The following PTPRG variants were observed in gnomAD, a reference collection of about 807,000 sequenced individuals.
The protein encoded by PTPRG is protein tyrosine phosphatase receptor type G, also known as receptor-type tyrosine-protein phosphatase gamma.
Under a neutral mutation model 165.3 loss-of-function variants are expected in PTPRG, and 102 were observed. The ratio of observed to expected loss-of-function variants is 0.62; its 90% CI spans 0.53 to 0.73. PTPRG has a LOEUF of 0.73. PTPRG is among the 30% of genes least tolerant of loss of function. PTPRG has a pLI of 0.00. For synonymous variants in PTPRG, 675 were observed against 669.5 expected, an observed-to-expected ratio of 1.01 and a Z score of -0.13; for missense variants, 1,866 against 1,861.4, an observed-to-expected ratio of 1.00 and a Z score of -0.05.
At chr3:61,827,118 C>G (rs1164918846) in intron 2 of PTPRG, among the ~76,000 whole-genome samples, 1 of 152,182 alleles carries the variant, frequency 6.6e-6, no homozygotes, top group African/African-American at 2.4e-5. Flanking sequence ...CTTCTATCCT[C>G]TATAGTCAGG....
chr3:61,701,488 A>G (rs1229372415), intron 1 of PTPRG, among the ~76,000 whole-genome samples: 3 of 152,198 alleles, frequency 2.0e-5, no homozygotes, highest in African/African-American at 4.8e-5. Context: ...AACTTTTTGC[A>G]TAAAGGCAGA....
intron 2 of PTPRG, among the ~76,000 whole-genome samples, chr3:61,904,350 CCT>C (rs1308965503): frequency 6.6e-6 from 1 of 152,084 alleles, no homozygotes; most frequent in African/African-American, 2.4e-5. Flanking sequence ...GTGCAAACAT[CCT>C]CTGTTTTCTG....
chr3:62,186,119 T>C (rs933585862), intron 8 of PTPRG, among the ~76,000 whole-genome samples: 2 of 152,222 alleles, frequency 1.3e-5, no homozygotes, highest in Non-Finnish European at 2.9e-5. Flanking sequence ...TGTCTGGTAC[T>C]ATCGTTGCCC....
chr3:61,599,945 G>C (rs1455333890), intron 1 of PTPRG, among the ~76,000 whole-genome samples: 1 of 151,916 alleles, frequency 6.6e-6, no homozygotes, highest in East Asian at 1.9e-4. Flanking sequence ...GATCACTTGA[G>C]GCCAGGAGTT....
chr3:62,258,025 T>G (rs1441520412), intron 16 of PTPRG, among the ~76,000 whole-genome samples: 1 of 151,786 alleles, frequency 6.6e-6, no homozygotes, highest in Admixed American at 6.6e-5. Context: ...GAAGGAGAAA[T>G]AAGGAAGCTT....
chr3:61,726,907 C>T (rs1220175600), intron 1 of PTPRG, among the ~76,000 whole-genome samples: 1 of 152,058 alleles, frequency 6.6e-6, no homozygotes, highest in African/African-American at 2.4e-5. Flanking sequence ...ATTAGCCAGC[C>T]ATGGTGGCGG....
At position 61,562,387 on chromosome 3, in the gene PTPRG, C is replaced by T. The variant is rs1217333264; in HGVS notation, c.85+15C>T. On this transcript the variant is annotated intron_variant, in intron 1 of 29. Coordinates refer to ENST00000474889, the MANE Select transcript of PTPRG (RefSeq NM_002841.4). ...GTGCTTCCCCGGTGAGTGCCGGCCG[C>T]CGAGGGGATGCGGCCCCGGCCGGCG... The T allele has an allele frequency of 6.2e-7, 1 of 1,612,574 alleles. No homozygotes were observed. Among genetic ancestry groups the T allele is most frequent in the Non-Finnish European group, 8.5e-7 (1 of 1,179,094 alleles).
intron 4 of PTPRG, among the ~76,000 whole-genome samples, chr3:62,059,259 C>G (rs1378101474): frequency 6.6e-6 from 1 of 152,158 alleles, no homozygotes; most frequent in Non-Finnish European, 1.5e-5. Context: ...GTGGAACTCA[C>G]AAAATTATAG....
At chr3:61,783,203 G>A (rs1239146990) in intron 2 of PTPRG, among the ~76,000 whole-genome samples, 2 of 152,134 alleles carry the variant, frequency 1.3e-5, no homozygotes, top group Non-Finnish European at 2.9e-5. Flanking sequence ...AGTTGGACAT[G>A]GTAGCATGTG....
Position 61,981,457 on chromosome 3 carries a change from G to A in PTPRG, c.191-8168G>A, listed in dbSNP as rs77619501. 4.6e-3 allele frequency among the ~76,000 whole-genome samples: 697 copies of A among 152,330 alleles called. 4 individuals carry two copies. The highest frequency in any genetic ancestry group is 0.015 in the African/African-American group (624 of 41,574). ...AATTGCCATATATTAGTCAAGTGCT[G>A]TTTCTGAAGCTGGGTCAGGGTCATG... On this transcript the variant is annotated intron_variant, in intron 2 of 29. Coordinates refer to ENST00000474889, the MANE Select transcript of PTPRG (RefSeq NM_002841.4).
chr3:62,056,599 G>T (rs1700643873), intron 4 of PTPRG, among the ~76,000 whole-genome samples: 1 of 152,108 alleles, frequency 6.6e-6, no homozygotes, highest in Non-Finnish European at 1.5e-5. Context: ...GTGCATTGTA[G>T]GATGTAAAAT....
intron 7 of PTPRG, among the ~76,000 whole-genome samples, chr3:62,161,493 T>C (rs571872897): frequency 1.5e-4 from 23 of 152,324 alleles, no homozygotes; most frequent in African/African-American, 5.5e-4. Context: ...GTAAGGTTTA[T>C]CTCAAGGCCA....
chr3:62,082,111 C>A (rs1701602684), intron 5 of PTPRG, among the ~76,000 whole-genome samples: 1 of 152,204 alleles, frequency 6.6e-6, no homozygotes. Flanking sequence ...GAGAATGACC[C>A]AAAAGCCCAG....
intron 2 of PTPRG, among the ~76,000 whole-genome samples, chr3:61,776,701 G>C (rs184536197): frequency 7.3e-4 from 111 of 151,878 alleles, no homozygotes; most frequent in Non-Finnish European, 1.3e-3. Context: ...ATTTTGCCAC[G>C]GTCTGTCTTG....
At chr3:61,583,922 G>T (rs1700369660) in intron 1 of PTPRG, among the ~76,000 whole-genome samples, 1 of 152,128 alleles carries the variant, frequency 6.6e-6, no homozygotes, top group Admixed American at 6.5e-5. Flanking sequence ...CAATCAAAGG[G>T]CACCAATATC....
chr3:61,731,040 G>T (rs967479355), intron 1 of PTPRG, among the ~76,000 whole-genome samples: 3 of 152,260 alleles, frequency 2.0e-5, no homozygotes, highest in Admixed American at 6.5e-5. Context: ...TACTCTTTCT[G>T]CATTATTCAA....
intron 2 of PTPRG, among the ~76,000 whole-genome samples, chr3:61,911,310 G>A (rs1032106855): frequency 1.3e-5 from 2 of 152,152 alleles, no homozygotes; most frequent in African/African-American, 4.8e-5. Context: ...GTCTGGCCAG[G>A]CACCAGAGAC....
At chr3:62,011,860 C>T (rs2041429603) in intron 4 of PTPRG, among the ~76,000 whole-genome samples, 1 of 152,158 alleles carries the variant, frequency 6.6e-6, no homozygotes. Flanking sequence ...AAGAACTTGG[C>T]TCAGGGCTGT....
At chr3:61,789,286 G>A (rs573020888) in intron 2 of PTPRG, among the ~76,000 whole-genome samples, 1 of 152,102 alleles carries the variant, frequency 6.6e-6, no homozygotes, top group Non-Finnish European at 1.5e-5. Context: ...ATTTTTTGTA[G>A]AGACGGGGTC....
Sources: gnomAD v4.1 joint callset for allele counts (sites outside exome capture counted in the v4.1 genomes callset) on GRCh38, gnomAD v4.1.1 for gene constraint, MANE v1.5 for transcripts, NCBI Gene and HGNC (gene_info 2026-07-23, HGNC 2026-07-21) for gene names.